TNFRSF25: variants seen among roughly 807,000 people sequenced by gnomAD.
TNFRSF25 encodes tumor necrosis factor receptor superfamily member 25.
TNFRSF25 carries 28 observed loss-of-function variants against 49.4 expected under a neutral mutation model. That is an observed-to-expected ratio of 0.57 (90% CI 0.42 to 0.78). TNFRSF25 has a LOEUF of 0.78. Among genes scored for constraint, TNFRSF25 ranks in the 30% least tolerant of loss-of-function variants. The pLI is 0.00. For missense variants in TNFRSF25, 531 were observed against 581.6 expected (o/e 0.91, Z 0.90); for synonymous variants, 240 against 234.2 (o/e 1.02, Z -0.23).
chr1:6,465,723 C>T, intron 1 of TNFRSF25, 163 bp from the exon 2 acceptor site: 2 of 1,434,856 alleles, frequency 1.4e-6, no homozygotes, highest in Middle Eastern at 2.6e-4. Flanking sequence ...AACTAACTTC[C>T]TTCCCCCCGC....
Position 6,462,851 on chromosome 1 carries a change from G to A in TNFRSF25, c.706+12C>T, listed in dbSNP as rs1258721596. 7.5e-6 allele frequency: 12 copies of A among 1,602,008 alleles called. No individual in the cohort carries two copies. The highest frequency in any genetic ancestry group is 1.0e-5 in the Non-Finnish European group (12 of 1,173,838). ...CAGGCTTCTGGGTGCGTGTGTGGGT[G>A]TGTGTACTTACCAGTAACCAGGGGC... On this transcript the variant is annotated intron_variant, in intron 7 of 9. Transcript: ENST00000356876. The surrounding 1 kb of genome is among the most constrained non-coding windows in gnomAD (Gnocchi z 4.2).
chr1:6,463,705 GAC>G (rs888949431), intron 5 of TNFRSF25: 1 of 113,282 alleles, frequency 8.8e-6, no homozygotes, highest in African/African-American at 3.5e-5. Context: ...CAGCCTGGGT[GAC>G]AGAGCAAGTC....
intron 4 of TNFRSF25, 28 bp from the exon 5 acceptor site, chr1:6,464,481 C>T (rs746668782): frequency 6.2e-7 from 1 of 1,611,846 alleles, no homozygotes; most frequent in South Asian, 1.1e-5. Context: ...CATGCGTCAC[C>T]ATGGGACAGG....
intron 1 of TNFRSF25, 137 bp from the exon 2 acceptor site, chr1:6,465,697 C>G (rs1452225245): frequency 1.2e-4 from 168 of 1,451,914 alleles, no homozygotes; most frequent in Non-Finnish European, 1.5e-4. Flanking sequence ...GAAGGGGTGC[C>G]CATGGGTGGA....
chr1:6,461,247 A>T lies in TNFRSF25; in HGVS notation c.*187T>A. 1.3e-6 allele frequency: 1 copy of T among 777,656 alleles called. No homozygotes were observed. Among genetic ancestry groups the T allele is most frequent in the South Asian group, 1.5e-5 (1 of 67,910 alleles). 48.2% of individuals were successfully genotyped at this position (777,656 alleles called of 1,614,324 possible). A position where few individuals can be genotyped will look rare whatever the true frequency, so the allele number is the denominator to read the frequency against. Reference sequence around the variant, plus strand: ...AGAAATGTCTTCACCCCCTCTCGACATTCGTTCGTGCTTCTTCGCCTTGGC... The same window carrying T: ...AGAAATGTCTTCACCCCCTCTCGACTTTCGTTCGTGCTTCTTCGCCTTGGC... On this transcript the variant is annotated 3_prime_UTR_variant, in exon 10 of 10. Transcript: ENST00000356876. This position sits in a 1 kb window ranked among gnomAD's most constrained non-coding sequence, Gnocchi z 6.3.
At position 6,461,472 on chromosome 1, in the gene TNFRSF25, C is replaced by T. The variant is rs765262685; in HGVS notation, c.1216G>A (p.Val406Met). Residue 406 changes from valine to methionine, a missense_variant, in exon 10 of 10, where the codon GTG becomes ATG. By Grantham distance (21) the Val-to-Met change is conservative (BLOSUM62 1). Transcript: ENST00000356876. This position sits in a 1 kb window ranked among gnomAD's most constrained non-coding sequence, Gnocchi z 6.3. The stretch of plus-strand genomic sequence containing the variant: ...TGCAGGCGGCTGCGCAAGTCTTCCA[C>T]GCAGCCGTCCAGCCCCATGCGCTCC... ...ALERMGLDGCVEDLRSRLQRG... is the reference protein window; with the variant it reads ...ALERMGLDGCMEDLRSRLQRG... 1.0e-5 allele frequency: 16 copies of T among 1,555,550 alleles called. No homozygotes were observed. Among genetic ancestry groups the T allele is most frequent in the Non-Finnish European group, 1.4e-5 (16 of 1,152,444 alleles).
chr1:6,465,907 G>A (rs1644349704), intron 1 of TNFRSF25, 162 bp downstream of exon 1: 2 of 1,425,268 alleles, frequency 1.4e-6, no homozygotes, highest in African/African-American at 2.9e-5. Context: ...TCCTCTCAGT[G>A]GAAGGGCTAC....
chr1:6,460,808 T>A lies in TNFRSF25; in HGVS notation c.*626A>T. The A allele has an allele frequency of 4.8e-6, 1 of 210,480 alleles. No homozygotes were observed. The highest frequency in any genetic ancestry group is 5.4e-5 in the Admixed American group (1 of 18,536). The allele number at this position is 210,480 out of a possible 1,614,324, so 13.0% of individuals were successfully genotyped here. A position where few individuals can be genotyped will look rare whatever the true frequency, so the allele number is the denominator to read the frequency against. On this transcript the variant is annotated 3_prime_UTR_variant, in exon 10 of 10. Transcript: ENST00000356876. ...CCAGACCCACTCGCTGCCGGGACCC[T>A]TTCACTGCCCCGGTGGAGTGAATAG...
chr1:6,464,247 C>T, intron 5 of TNFRSF25, 128 bp downstream of exon 5: 4 of 1,506,202 alleles, frequency 2.7e-6, no homozygotes, highest in Non-Finnish European at 3.6e-6. Context: ...GCCCACCCAT[C>T]ACAGGGCCAA....
intron 5 of TNFRSF25, chr1:6,463,522 C>G (rs538371907): frequency 2.3e-4 from 48 of 206,764 alleles, no homozygotes; most frequent in African/African-American, 1.0e-3. Context: ...GTCAGGTGAT[C>G]AAGACCATCT....
intron 1 of TNFRSF25, 173 bp from the exon 2 acceptor site, chr1:6,465,733 C>T (rs1644339720): frequency 2.1e-6 from 3 of 1,433,440 alleles, no homozygotes; most frequent in South Asian, 1.5e-5. Context: ...CTTCCCCCCG[C>T]GCACACACCA....
In TNFRSF25 at chr1:6,465,569, C is replaced by T. The variant is rs45510796; in HGVS notation, c.40-9G>A. ...AGCACCAGGAGGAGCGCCTGGGGGA[C>T]AGGTGCTGCTGACTCTCAGCGCAGC... On this transcript the variant is annotated splice_polypyrimidine_tract_variant and intron_variant, in intron 1 of 9. Transcript: ENST00000356876. 4.3e-6 allele frequency: 7 copies of T among 1,611,054 alleles called. No individual in the cohort carries two copies. The African/African-American group carries it at 9.4e-5, about 22-fold the overall frequency.
At chr1:6,465,945 G>A in intron 1 of TNFRSF25, 124 bp downstream of exon 1, 2 of 1,462,048 alleles carry the variant, frequency 1.4e-6, no homozygotes, top group Non-Finnish European at 1.8e-6. Flanking sequence ...AACGAGATCG[G>A]AAAGGGCGGC....
chr1:6,463,158 A>G (rs1644230651), intron 5 of TNFRSF25, 31 bp from the exon 6 acceptor site: 1 of 1,548,342 alleles, frequency 6.5e-7, no homozygotes, highest in Non-Finnish European at 8.7e-7. Flanking sequence ...CTGAGGGATG[A>G]GGGGGTGCAT....
chr1:6,461,690 G>A lies in TNFRSF25; in HGVS notation c.998C>T (p.Pro333Leu), dbSNP rs1431537754. 3.8e-6 allele frequency: 6 copies of A among 1,578,728 alleles called. No homozygotes were observed. The highest frequency in any genetic ancestry group is 5.1e-6 in the Non-Finnish European group (6 of 1,168,708). Residue 333 changes from proline to leucine, a missense_variant, in exon 10 of 10, where the codon CCG becomes CTG. Pro to Leu is a moderately conservative substitution (Grantham distance 98). Coordinates refer to ENST00000356876, the MANE Select transcript of TNFRSF25 (RefSeq NM_003790.3). The surrounding 1 kb of genome is among the most constrained non-coding windows in gnomAD (Gnocchi z 6.3). ...CGCGTCCATCACGTCGTAGAGCTGC[G>A]GGCCCGGCTGCAGCATCATGGCTGG... Reference protein sequence around the residue: ...GSPAMMLQPGPQLYDVMDAVP... With the variant: ...GSPAMMLQPGLQLYDVMDAVP...
chr1:6,465,081 C>T lies in TNFRSF25; in HGVS notation c.295+7G>A. 1.2e-6 allele frequency: 2 copies of T among 1,610,832 alleles called. No individual in the cohort carries two copies. Among genetic ancestry groups the T allele is most frequent in the Non-Finnish European group, 1.7e-6 (2 of 1,178,316 alleles). On this transcript the variant is annotated splice_region_variant and intron_variant, in intron 3 of 9. Transcript: ENST00000356876. ...AACTCCCTGCCAAGCACTGAGAAGC[C>T]CCTCACCCTGCTCATCACAGGCCTG...
Position 6,461,583 on chromosome 1 carries a change from C to G in TNFRSF25, c.1105G>C (p.Gly369Arg). Reference sequence around the variant, plus strand: ...TCGTACTGCTGGTCTCGGAAGCGGCCGATCTCCACCTCCACGGCTTCGATC... The same window carrying G: ...TCGTACTGCTGGTCTCGGAAGCGGCGGATCTCCACCTCCACGGCTTCGATC... ...AEIEAVEVEI[G>R]RFRDQQYEML... Residue 369 changes from glycine (G) to arginine (R), a missense_variant, in exon 10 of 10, where the codon GGC (glycine) becomes CGC (arginine). Coordinates refer to ENST00000356876, the MANE Select transcript of TNFRSF25 (RefSeq NM_003790.3). The surrounding 1 kb of genome is among the most constrained non-coding windows in gnomAD (Gnocchi z 6.3). The G allele has an allele frequency of 1.2e-6, 2 of 1,610,494 alleles. No individual in the cohort carries two copies. Among genetic ancestry groups the G allele is most frequent in the Non-Finnish European group, 1.7e-6 (2 of 1,179,490 alleles).
At chr1:6,463,322 AAG>A in intron 5 of TNFRSF25, 195 bp from the exon 6 acceptor site, 2 of 620,534 alleles carry the variant, frequency 3.2e-6, no homozygotes, top group Non-Finnish European at 5.6e-6. Flanking sequence ...AGACTACATG[AAG>A]AGTCACTAGA....
intron 1 of TNFRSF25, 125 bp from the exon 2 acceptor site, chr1:6,465,685 C>A: frequency 6.8e-7 from 1 of 1,465,852 alleles, no homozygotes; most frequent in Non-Finnish European, 9.0e-7. Flanking sequence ...AGGCCCCGGG[C>A]AGAAGGGGTG....
Sources: gnomAD v4.1 joint callset for allele counts on GRCh38, gnomAD v4.1.1 for gene constraint, Gnocchi (gnomAD v3.1) non-coding constraint, MANE v1.5 for transcripts, NCBI Gene and HGNC (gene_info 2026-07-23, HGNC 2026-07-21) for gene names.